C8orf89: variants seen among roughly 807,000 people sequenced by gnomAD.
C8orf89 encodes the protein putative uncharacterized protein C8orf89.
C8orf89 carries 14 observed loss-of-function variants against 15.8 expected under a neutral mutation model. That is an observed-to-expected ratio of 0.89 (90% confidence interval 0.59 to 1.39). The LOEUF (loss-of-function observed/expected upper bound fraction) is 1.39. Among genes scored for constraint, C8orf89 ranks in the 40% most tolerant of loss-of-function variants. C8orf89 has a pLI of 0.00. For missense variants in C8orf89, 181 were observed against 184.5 expected (o/e 0.98, Z 0.11); for synonymous variants, 55 against 62.2 (o/e 0.88, Z 0.54).
rs769525047 is a variant in C8orf89, at chr8:73,250,334, T to C, written c.282-11A>G. ...TTAGTCTTCTTTAGCCTGAATATTA[T>C]ATATTATCATAAAATTACTTACATA... On this transcript the variant is annotated splice_polypyrimidine_tract_variant and intron_variant, in intron 2 of 3. Transcript: ENST00000624510. 4.7e-6 allele frequency: 7 copies of C among 1,476,190 alleles called. No individual in the cohort carries two copies. The highest frequency in any genetic ancestry group is 2.8e-5 in the African/African-American group (2 of 71,764). 91.4% of individuals were successfully genotyped at this position (1,476,190 alleles called of 1,614,324 possible).
At chr8:73,245,811 ATGAT>A (rs1813110270) in intron 3 of C8orf89, among the ~76,000 whole-genome samples, 1 of 152,244 alleles carries the variant, frequency 6.6e-6, no homozygotes, top group Non-Finnish European at 1.5e-5. Flanking sequence ...TAAATTCAAA[ATGAT>A]TGAGCCAATA....
At chr8:73,270,899 AT>A in the C8orf89 span, among the ~76,000 whole-genome samples, 1 of 152,250 alleles carries the variant, frequency 6.6e-6, no homozygotes, top group Non-Finnish European at 1.5e-5. Flanking sequence ...GTGTCTAAAT[AT>A]TCAACTTACA....
the C8orf89 span, among the ~76,000 whole-genome samples, chr8:73,268,612 A>G: frequency 6.6e-6 from 1 of 152,226 alleles, no homozygotes. Context: ...TGATAGCATT[A>G]AAGAATTATG....
intron 1 of C8orf89, among the ~76,000 whole-genome samples, chr8:73,258,449 A>G (rs571488251): frequency 6.6e-6 from 1 of 151,870 alleles, no homozygotes; most frequent in South Asian, 2.1e-4. Context: ...TTCTCCATCA[A>G]TAAAGATGGA....
At chr8:73,255,425 T>C (rs1813348916) in intron 2 of C8orf89, among the ~76,000 whole-genome samples, 1 of 151,790 alleles carries the variant, frequency 6.6e-6, no homozygotes, top group Non-Finnish European at 1.5e-5. Context: ...TGAGATACCA[T>C]CTCACACCAG....
At chr8:73,264,307 C>T (rs1461159015), upstream of C8orf89, among the ~76,000 whole-genome samples, 2 of 152,196 alleles carry the variant, frequency 1.3e-5, no homozygotes, top group East Asian at 3.8e-4. Flanking sequence ...TTTTTTGCTG[C>T]TCTGCACATG....
At chr8:73,248,077 T>A (rs182648299) in intron 3 of C8orf89, among the ~76,000 whole-genome samples, 18 of 152,206 alleles carry the variant, frequency 1.2e-4, no homozygotes, top group Non-Finnish European at 2.4e-4. Flanking sequence ...TTTTGGGTTT[T>A]ACATTTAAGT....
At chr8:73,254,865 G>A (rs1052278830) in intron 2 of C8orf89, among the ~76,000 whole-genome samples, 2 of 152,264 alleles carry the variant, frequency 1.3e-5, no homozygotes, top group East Asian at 1.9e-4. Flanking sequence ...TAAGCAATGG[G>A]GAAAGGATTC....
chr8:73,250,839 G>A (rs1050160958), intron 2 of C8orf89, among the ~76,000 whole-genome samples: 32 of 151,812 alleles, frequency 2.1e-4, no homozygotes, highest in African/African-American at 6.5e-4. Flanking sequence ...GGTCTCACTC[G>A]CTCCCAGGCT....
the C8orf89 span, among the ~76,000 whole-genome samples, chr8:73,266,296 G>A: frequency 1.3e-5 from 2 of 152,164 alleles, no homozygotes; most frequent in Admixed American, 6.5e-5. Flanking sequence ...CCTGCTTATG[G>A]TCCCTCACAG....
At chr8:73,250,361 A>G in intron 2 of C8orf89, 38 bp from the exon 3 acceptor site, 3 of 1,214,202 alleles carry the variant, frequency 2.5e-6, no homozygotes, top group Non-Finnish European at 3.5e-6. Context: ...ACTTACATAT[A>G]AATTCAGGGC....
chr8:73,250,205 TAA>T (rs1243919737), intron 3 of C8orf89, 61 bp downstream of exon 3: 4 of 1,003,714 alleles, frequency 4.0e-6, no homozygotes, highest in African/African-American at 1.7e-5. Context: ...GAATTTTTTT[TAA>T]AAAAAGATAA....
At position 73,259,486 on chromosome 8, in the gene C8orf89, G is replaced by A. The variant is rs750787749; in HGVS notation, c.-28C>T. 2 of 1,461,286 alleles carry A rather than the reference G, an allele frequency of 1.4e-6. No individual in the cohort carries two copies. Among genetic ancestry groups the A allele is most frequent in the Admixed American group, 2.4e-5 (1 of 41,214 alleles). 90.5% of individuals were successfully genotyped at this position (1,461,286 alleles called of 1,614,324 possible). ...TTTCTTCTTTCAACAGTGCTGATGA[G>A]AGGGAGATGCTGCTGCAGAGACAGG... On this transcript the variant is annotated 5_prime_UTR_variant, in exon 1 of 4. Coordinates refer to ENST00000624510, the MANE Select transcript of C8orf89 (RefSeq NM_001243237.3).
chr8:73,269,851 T>G, the C8orf89 span, among the ~76,000 whole-genome samples: 1 of 152,208 alleles, frequency 6.6e-6, no homozygotes, highest in Admixed American at 6.5e-5. Context: ...ACACATATTG[T>G]TTTAAAAGCA....
the C8orf89 span, among the ~76,000 whole-genome samples, chr8:73,280,758 T>C: frequency 4.8e-5 from 7 of 144,918 alleles, no homozygotes; most frequent in African/African-American, 1.5e-4. Flanking sequence ...CACACACATA[T>C]ACATACATAC....
the C8orf89 span, among the ~76,000 whole-genome samples, chr8:73,283,512 C>T: frequency 1.3e-5 from 2 of 152,140 alleles, no homozygotes; most frequent in Non-Finnish European, 2.9e-5. Context: ...TTTTAAAATG[C>T]ATGTGAAGTG....
At chr8:73,277,809 G>C in the C8orf89 span, 1 of 723,184 alleles carries the variant, frequency 1.4e-6, no homozygotes, top group East Asian at 2.8e-5. Context: ...CCTCCGCACA[G>C]CCATAATCAC....
the C8orf89 span, among the ~76,000 whole-genome samples, chr8:73,274,769 C>G: frequency 1.8e-4 from 28 of 152,200 alleles, no homozygotes; most frequent in Middle Eastern, 6.8e-3. Context: ...TGTTTGATAT[C>G]TTATTAGTTT....
rs1437909955 is a variant in C8orf89, at chr8:73,259,470, T to C, written c.-12A>G. ...GATAGCACTGACATTTTTTCTTCTT[T>C]CAACAGTGCTGATGAGAGGGAGATG... On this transcript the variant is annotated 5_prime_UTR_variant, in exon 1 of 4. Transcript: ENST00000624510. The C allele has an allele frequency of 1.5e-5, 23 of 1,521,764 alleles. No homozygotes were observed. The East Asian group carries it at 5.7e-4, about 37-fold the overall frequency. 94.3% of individuals were successfully genotyped at this position (1,521,764 alleles called of 1,614,324 possible).
Sources: gnomAD v4.1 joint callset for allele counts (sites outside exome capture counted in the v4.1 genomes callset) on GRCh38, gnomAD v4.1.1 for gene constraint, MANE v1.5 for transcripts, NCBI Gene and HGNC (gene_info 2026-07-23, HGNC 2026-07-21) for gene names.